The following GYG2 variants were observed in gnomAD, a reference collection of about 807,000 sequenced individuals.
The protein encoded by GYG2 is glycogenin-2.
In GYG2, 29 loss-of-function variants were observed where a neutral mutation model predicts 29.4. That is an observed-to-expected ratio of 0.99 (90% CI 0.74 to 1.35). GYG2 has a LOEUF of 1.35. Ranked by LOEUF, GYG2 falls within the 40% of genes most tolerant of loss-of-function variation. The pLI is 0.00. For missense variants in GYG2, 370 were observed against 385.7 expected (o/e 0.96, Z 0.34); for synonymous variants, 167 against 172.3 (o/e 0.97, Z 0.24).
chrX:2,881,465 C>T lies in GYG2; in HGVS notation c.*252C>T, dbSNP rs2088719497. 1 of 299,308 alleles carries T rather than the reference C, an allele frequency of 3.3e-6. No individual in the cohort carries two copies. Among genetic ancestry groups the T allele is most frequent in the Non-Finnish European group, 5.8e-6 (1 of 172,661 alleles). 24.7% of individuals were successfully genotyped at this position (299,308 alleles called of 1,213,427 possible). A position where few individuals can be genotyped will look rare whatever the true frequency, so the allele number is the denominator to read the frequency against. ...AGGTCACTTCTACCCTTGAAGCTGT[C>T]GGCAAAAGCGAGCAGTAATAACATT... On this transcript the variant is annotated 3_prime_UTR_variant, in exon 11 of 11. Transcript: ENST00000398806.
In GYG2 at chrX:2,859,968, C is replaced by T. The variant is rs1422951629; in HGVS notation, c.740C>T (p.Ala247Val). 1 of 1,204,010 alleles carries T rather than the reference C, an allele frequency of 8.3e-7. No individual in the cohort carries two copies. ...GSASSSQHQA[A>V]FLHLWWTVYQ... is the part of the protein sequence containing the mutation. ...GCGTCCAGCAGCCAGCACCAGGCGGCATTCCTTCATCTCTGGTGGACGGTC... is the reference window on the plus strand; with the variant it reads ...GCGTCCAGCAGCCAGCACCAGGCGGTATTCCTTCATCTCTGGTGGACGGTC... Residue 247 changes from alanine (A) to valine (V), a missense_variant, in exon 7 of 11, where the codon GCA becomes GTA. Physicochemically the swap from Ala to Val is moderately conservative, Grantham distance 64 (BLOSUM62 0). Coordinates refer to ENST00000398806, the MANE Select transcript of GYG2 (RefSeq NM_001079855.2).
chrX:2,856,756 C>G (rs992777921), intron 6 of GYG2, 132 bp downstream of exon 6: 6 of 360,775 alleles, frequency 1.7e-5, no homozygotes, highest in African/African-American at 6.7e-5. Flanking sequence ...ATCTATGTAT[C>G]TATCTATCTA....
At chrX:2,880,784 G>A (rs2088703055) in intron 10 of GYG2, among the ~76,000 whole-genome samples, 1 of 110,953 alleles carries the variant, frequency 9.0e-6, no homozygotes, top group Non-Finnish European at 1.9e-5. Flanking sequence ...GATGTGCCCT[G>A]TAGTCCCAGC....
chrX:2,846,499 AG>A (rs2087741507), intron 3 of GYG2, among the ~76,000 whole-genome samples: 1 of 111,307 alleles, frequency 9.0e-6, no homozygotes, highest in South Asian at 3.8e-4. Context: ...ACAAATCTTC[AG>A]GGAGGCCAAG....
At chrX:2,842,978 A>G in intron 2 of GYG2, 1 of 418,058 alleles carries the variant, frequency 2.4e-6, no homozygotes. Context: ...ACGCCCAGCT[A>G]ATTTTTGTAT....
intron 2 of GYG2, among the ~76,000 whole-genome samples, chrX:2,834,593 C>T (rs2087334027): frequency 8.9e-6 from 1 of 111,824 alleles, no homozygotes; most frequent in South Asian, 3.8e-4. Flanking sequence ...ACCTTGTCAG[C>T]TGCTGGGCCC....
In GYG2 at chrX:2,881,193, C is replaced by T. The variant is rs772010665; in HGVS notation, c.1393C>T (p.Leu465=). 8.4e-7 allele frequency: 1 copy of T among 1,192,513 alleles called. No homozygotes were observed. The change falls in exon 11 of 11, where the codon CTG becomes TTG. Residue 465 remains leucine, a synonymous_variant. Coordinates refer to ENST00000398806, the MANE Select transcript of GYG2 (RefSeq NM_001079855.2). ...CGCGTTTGCTCGCATCCAGGAGAAG[C>T]TGGACCGGTTCCTGCAGTAATCCGG... ...KDAFARIQEK[L]DRFLQ
intron 7 of GYG2, among the ~76,000 whole-genome samples, chrX:2,860,810 A>G (rs991507633): frequency 1.8e-5 from 2 of 110,266 alleles, no homozygotes; most frequent in Non-Finnish European, 3.8e-5. Flanking sequence ...GCTCACTGCA[A>G]CCTCCGCCTT....
At chrX:2,841,664 CA>C (rs1216701436) in intron 2 of GYG2, among the ~76,000 whole-genome samples, 1 of 111,898 alleles carries the variant, frequency 8.9e-6, no homozygotes, top group Non-Finnish European at 1.9e-5. Context: ...GTCAAGGAGG[CA>C]GCCCTGTACC....
intron 8 of GYG2, among the ~76,000 whole-genome samples, chrX:2,864,818 G>T (rs1348058900): frequency 9.3e-6 from 1 of 107,267 alleles, no homozygotes; most frequent in East Asian, 2.9e-4. Flanking sequence ...GAAGTGCAAT[G>T]GCGCGATCTC....
In GYG2 at chrX:2,854,102, G is replaced by A; in HGVS notation, c.272G>A (p.Cys91Tyr). The change falls in exon 4 of 11, where the codon TGT (cysteine) becomes TAT (tyrosine). Residue 91 changes from cysteine (C) to tyrosine (Y), a missense_variant. By Grantham distance (194) the Cys-to-Tyr change is radical (BLOSUM62 -2). Coordinates refer to ENST00000398806, the MANE Select transcript of GYG2 (RefSeq NM_001079855.2). ...GGGCTCACCCTCACCAAGCTTCACT[G>A]TTGGACTCTCACTCACTACAGCAAG... ...ELGLTLTKLH[C>Y]WTLTHYSKCV... 8.3e-7 allele frequency: 1 copy of A among 1,206,634 alleles called. No individual in the cohort carries two copies. Among genetic ancestry groups the A allele is most frequent in the Non-Finnish European group, 1.1e-6 (1 of 891,765 alleles).
At chrX:2,863,982 C>G (rs2088236819) in intron 8 of GYG2, among the ~76,000 whole-genome samples, 1 of 111,737 alleles carries the variant, frequency 8.9e-6, no homozygotes, top group Non-Finnish European at 1.9e-5. Context: ...GACTGTAAAC[C>G]AAAGAGTATC....
chrX:2,875,406 A>G (rs994722231), intron 8 of GYG2, among the ~76,000 whole-genome samples: 7 of 111,221 alleles, frequency 6.3e-5, no homozygotes, highest in Non-Finnish European at 1.3e-4. Flanking sequence ...ATGGAGGCCC[A>G]GTTCAGAGAG....
intron 5 of GYG2, 142 bp downstream of exon 5, chrX:2,855,297 A>AT (rs2087960216): frequency 3.9e-6 from 2 of 517,463 alleles, no homozygotes; most frequent in South Asian, 6.3e-5. Context: ...TTGTTAAGTG[A>AT]TTTTGTCATT....
intron 2 of GYG2, among the ~76,000 whole-genome samples, chrX:2,841,872 T>C (rs1458382202): frequency 1.8e-5 from 2 of 112,151 alleles, no homozygotes; most frequent in African/African-American, 6.5e-5. Context: ...GTCTTTCTCC[T>C]GGCAACAGGG....
intron 6 of GYG2, among the ~76,000 whole-genome samples, chrX:2,859,614 G>A (rs6642041): frequency 1.8e-5 from 2 of 110,323 alleles, no homozygotes; most frequent in African/African-American, 6.6e-5. Flanking sequence ...CTTATTATGG[G>A]TCATATATTG....
intron 8 of GYG2, among the ~76,000 whole-genome samples, chrX:2,862,303 T>C (rs1378578673): frequency 1.8e-5 from 2 of 111,803 alleles, no homozygotes; most frequent in Non-Finnish European, 3.8e-5. Context: ...ACTGGACTTC[T>C]GGCCCCCAGA....
intron 8 of GYG2, among the ~76,000 whole-genome samples, chrX:2,873,923 C>T (rs946792297): frequency 1.8e-5 from 2 of 109,591 alleles, no homozygotes; most frequent in Non-Finnish European, 3.8e-5. Flanking sequence ...AACCCCATCT[C>T]TACGAAAAAA....
intron 6 of GYG2, among the ~76,000 whole-genome samples, chrX:2,856,961 G>A (rs7473760): frequency 1.4e-3 from 59 of 43,238 alleles, no homozygotes; most frequent in African/African-American, 2.2e-3. Flanking sequence ...CTAGACATCT[G>A]TTTATCTATC....
Sources: allele counts gnomAD v4.1 joint callset (sites outside exome capture counted in the v4.1 genomes callset), GRCh38; gene constraint gnomAD v4.1.1; transcripts MANE v1.5; gene names NCBI Gene and HGNC (gene_info 2026-07-23, HGNC 2026-07-21).